The following PPP1R36 variants were observed in gnomAD, a reference collection of about 807,000 sequenced individuals.
PPP1R36 encodes the protein protein phosphatase 1 regulatory subunit 36.
A neutral mutation model predicts 53.4 loss-of-function variants in PPP1R36; 47 were observed. The ratio of observed to expected loss-of-function variants is 0.88; its 90% CI spans 0.70 to 1.12. The LOEUF (loss-of-function observed/expected upper bound fraction) is 1.12, where lower values mean the gene tolerates loss of function less well. Among genes scored for constraint, PPP1R36 ranks in the 50% most tolerant of loss-of-function variants. The pLI is 0.00. For synonymous variants in PPP1R36, 153 were observed against 170.5 expected (o/e 0.90, Z 0.80); for missense variants, 456 against 513.9 (o/e 0.89, Z 1.09).
chr14:64,586,767 A>G (rs2140252054), intron 8 of PPP1R36, 70 bp from the exon 9 acceptor site: 1 of 1,036,218 alleles, frequency 9.7e-7, no homozygotes, highest in African/African-American at 1.6e-5. Context: ...CTTTAGAGAA[A>G]GATAAGGACT....
At chr14:64,550,235 A>AT (rs1247571108) in intron 1 of PPP1R36, 169 bp downstream of exon 1, 3 of 1,392,932 alleles carry the variant, frequency 2.2e-6, no homozygotes, top group Non-Finnish European at 2.8e-6. Flanking sequence ...AAAAAAAAAA[A>AT]CTCTGGTGTA....
chr14:64,559,437 G>A (rs1199355395), intron 3 of PPP1R36: 1 of 152,358 alleles, frequency 6.6e-6, no homozygotes, highest in Non-Finnish European at 1.5e-5. Flanking sequence ...AGAGCGGCCT[G>A]ATCCAGATAT....
intron 3 of PPP1R36, among the ~76,000 whole-genome samples, chr14:64,558,836 A>T (rs983524281): frequency 6.6e-6 from 1 of 151,732 alleles, no homozygotes; most frequent in Non-Finnish European, 1.5e-5. Flanking sequence ...GGTTTTCACA[A>T]TGTTGGCTAG....
rs551529794 is a variant in PPP1R36, at chr14:64,571,022, C to T, written c.533+2575C>T. On this transcript the variant is annotated intron_variant, in intron 7 of 11. Transcript: ENST00000298705. ...TGCCTTAATCACTGTACAACATGCC[C>T]AGCACTTCCCACCAATCAACTGCAC... is the stretch of plus-strand genomic sequence containing the variant. Among the ~76,000 whole-genome samples the T allele has an allele frequency of 7.9e-5, 12 of 152,340 alleles. No individual in the cohort carries two copies. In the South Asian group the frequency reaches 2.5e-3, roughly 32 times the overall value.
rs753362641 is a variant in PPP1R36, at chr14:64,565,389, A to G, written c.302A>G (p.Asp101Gly). The G allele has an allele frequency of 8.1e-6, 13 of 1,613,348 alleles. No individual in the cohort carries two copies. The East Asian group carries it at 8.9e-5, about 11-fold the overall frequency. Residue 101 changes from aspartate to glycine, a missense_variant, in exon 5 of 12, where the codon GAT becomes GGT. Asp to Gly is a moderately conservative substitution (Grantham distance 94). Coordinates refer to ENST00000298705, the MANE Select transcript of PPP1R36 (RefSeq NM_172365.3). ...GATAAAAGACTTGCTGCAAAAGATG[A>G]TAAGTCAGCTAAAGCTGTAGAGAAA... ...LTDKRLAAKD[D>G]KSAKAVEKRG... is the part of the protein sequence containing the mutation.
In PPP1R36 at chr14:64,587,392, C is replaced by T. The variant is rs769761522; in HGVS notation, c.890+20C>T. The T allele has an allele frequency of 1.3e-6, 2 of 1,484,228 alleles. No individual in the cohort carries two copies. Among genetic ancestry groups the T allele is most frequent in the South Asian group, 2.7e-5 (2 of 73,378 alleles). The allele number at this position is 1,484,228 out of a possible 1,614,324, so 91.9% of individuals were successfully genotyped here. On this transcript the variant is annotated intron_variant, in intron 10 of 11. Coordinates refer to ENST00000298705, the MANE Select transcript of PPP1R36 (RefSeq NM_172365.3). The stretch of plus-strand genomic sequence containing the variant: ...GTTCAGGTATGACCTTTTGACTTTC[C>T]TATGCTCAGGGGTATTTCTTTTCTT...
intron 8 of PPP1R36, among the ~76,000 whole-genome samples, chr14:64,584,787 A>G (rs1489393959): frequency 2.6e-5 from 4 of 152,140 alleles, no homozygotes; most frequent in Admixed American, 6.5e-5. Flanking sequence ...TACCATAGGG[A>G]TGTTATGAAG....
At chr14:64,573,495 T>C (rs1472117639) in intron 7 of PPP1R36, among the ~76,000 whole-genome samples, 1 of 152,084 alleles carries the variant, frequency 6.6e-6, no homozygotes, top group East Asian at 1.9e-4. Flanking sequence ...TTTAGGAAAA[T>C]AGCAGGAAAG....
chr14:64,582,592 A>G (rs1416741959), intron 8 of PPP1R36, among the ~76,000 whole-genome samples: 1 of 152,352 alleles, frequency 6.6e-6, no homozygotes, highest in South Asian at 2.1e-4. Flanking sequence ...GAAACATACT[A>G]TAAGTGAAAA....
chr14:64,550,213 T>C, intron 1 of PPP1R36, 147 bp downstream of exon 1: 1 of 1,399,992 alleles, frequency 7.1e-7, no homozygotes, highest in South Asian at 1.6e-5. Flanking sequence ...CACCTGGCCA[T>C]ATTTGCCTAG....
At chr14:64,550,774 G>C in intron 1 of PPP1R36, 147 bp from the exon 2 acceptor site, 1 of 606,864 alleles carries the variant, frequency 1.6e-6, no homozygotes, top group Non-Finnish European at 2.9e-6. Context: ...TGTAAAGAGG[G>C]ACTAGTAGGA....
At chr14:64,567,180 C>T (rs1322547656) in intron 6 of PPP1R36, among the ~76,000 whole-genome samples, 1 of 152,138 alleles carries the variant, frequency 6.6e-6, no homozygotes, top group African/African-American at 2.4e-5. Flanking sequence ...TAAAGCAATG[C>T]CAGAGAAAGA....
chr14:64,572,246 T>C (rs538246066), intron 7 of PPP1R36, among the ~76,000 whole-genome samples: 1 of 152,292 alleles, frequency 6.6e-6, no homozygotes, highest in African/African-American at 2.4e-5. Context: ...TCAGTTTTTT[T>C]CCCCAAAGGA....
intron 8 of PPP1R36, among the ~76,000 whole-genome samples, chr14:64,583,073 A>ATTTTT (rs1255357344): frequency 7.3e-6 from 1 of 136,142 alleles, no homozygotes; most frequent in South Asian, 2.4e-4. Context: ...ATATATATAT[A>ATTTTT]TATTTTTTTT....
At chr14:64,571,795 T>G (rs2080305679) in intron 7 of PPP1R36, among the ~76,000 whole-genome samples, 1 of 152,196 alleles carries the variant, frequency 6.6e-6, no homozygotes, top group Admixed American at 6.5e-5. Flanking sequence ...TGCGGAGGCC[T>G]CACAATCATG....
At chr14:64,566,135 G>A (rs1216025359) in intron 6 of PPP1R36, among the ~76,000 whole-genome samples, 1 of 152,172 alleles carries the variant, frequency 6.6e-6, no homozygotes, top group Non-Finnish European at 1.5e-5. Context: ...GGGCGTGGTG[G>A]TGGGCGCCTG....
intron 8 of PPP1R36, among the ~76,000 whole-genome samples, chr14:64,581,282 T>C (rs2080387426): frequency 6.6e-6 from 1 of 152,146 alleles, no homozygotes; most frequent in African/African-American, 2.4e-5. Flanking sequence ...CAGAAAGATG[T>C]GTTAGGTCTG....
chr14:64,576,162 C>T (rs1596741205), intron 8 of PPP1R36, among the ~76,000 whole-genome samples: 1 of 145,856 alleles, frequency 6.9e-6, no homozygotes, highest in East Asian at 2.0e-4. Context: ...CTCACTGCAA[C>T]CTCTGCCTCC....
In PPP1R36 at chr14:64,568,469, G is replaced by A. The variant is rs538114448; in HGVS notation, c.533+22G>A. 9.2e-5 allele frequency: 108 copies of A among 1,169,380 alleles called. 3 individuals are homozygous for A. In the South Asian group the frequency reaches 1.5e-3, roughly 16 times the overall value. 72.4% of individuals were successfully genotyped at this position (1,169,380 alleles called of 1,614,324 possible). A position where few individuals can be genotyped will look rare whatever the true frequency, so the allele number is the denominator to read the frequency against. On this transcript the variant is annotated intron_variant, in intron 7 of 11. Coordinates refer to ENST00000298705, the MANE Select transcript of PPP1R36 (RefSeq NM_172365.3). ...TGGTGTAAGTAAGATTTTATAGTGTGCTTTAGAGTTTTATCACTGCCAGTA... is the reference window on the plus strand; with the variant it reads ...TGGTGTAAGTAAGATTTTATAGTGTACTTTAGAGTTTTATCACTGCCAGTA...
Sources: gnomAD v4.1 joint callset for allele counts (sites outside exome capture counted in the v4.1 genomes callset) on GRCh38, gnomAD v4.1.1 for gene constraint, MANE v1.5 for transcripts, NCBI Gene and HGNC (gene_info 2026-07-23, HGNC 2026-07-21) for gene names.